The following COL4A4 variants were observed in gnomAD, a reference collection of about 807,000 sequenced individuals.
COL4A4 encodes the protein collagen type IV alpha 4 chain.
Under a neutral mutation model 192.9 loss-of-function variants are expected in COL4A4, and 105 were observed. That is an observed-to-expected ratio of 0.54 (90% CI 0.46 to 0.64). The LOEUF is 0.64. Ranked by LOEUF, COL4A4 falls within the 30% of genes least tolerant of loss-of-function variation. The pLI is 0.00. For missense variants in COL4A4, 1,967 were observed against 2,169.3 expected (o/e 0.91, Z 1.85); for synonymous variants, 762 against 769.9 (o/e 0.99, Z 0.17).
At chr2:227,034,010 A>G (rs564321572) in intron 37 of COL4A4, among the ~76,000 whole-genome samples, 1 of 152,346 alleles carries the variant, frequency 6.6e-6, no homozygotes, top group South Asian at 2.1e-4. Context: ...TCAGGCCTGC[A>G]TGGCGAGTGT....
chr2:227,066,341 A>G (rs531951747), intron 25 of COL4A4, among the ~76,000 whole-genome samples: 2,356 of 151,838 alleles, frequency 0.016, 45 homozygotes, highest in African/African-American at 0.054. Flanking sequence ...GCAGGCCAAC[A>G]TTCAGATTCA....
chr2:227,096,853 G>A (rs1055812444), intron 19 of COL4A4, among the ~76,000 whole-genome samples: 2 of 152,142 alleles, frequency 1.3e-5, no homozygotes, highest in African/African-American at 4.8e-5. Context: ...ACAAGTGTCT[G>A]ACTCTGAAAC....
At chr2:226,971,542 G>A in the COL4A4 span, among the ~76,000 whole-genome samples, 1 of 152,184 alleles carries the variant, frequency 6.6e-6, no homozygotes, top group African/African-American at 2.4e-5. Flanking sequence ...CTTTTGATAA[G>A]TTCATGAAGC....
the COL4A4 span, among the ~76,000 whole-genome samples, chr2:226,971,424 T>A: frequency 3.9e-5 from 6 of 152,260 alleles, no homozygotes; most frequent in African/African-American, 1.2e-4. Flanking sequence ...ATCTTCAAGC[T>A]GTGTATCAAA....
chr2:227,152,660 G>A (rs10187118), intron 1 of COL4A4, among the ~76,000 whole-genome samples: 83,526 of 152,052 alleles, frequency 0.55, 23,569 homozygotes, highest in Admixed American at 0.63. Flanking sequence ...TTCGCAAAGT[G>A]CAGCCACATG....
chr2:227,164,414 T>A, upstream of COL4A4: 4 of 449,986 alleles, frequency 8.9e-6, no homozygotes, highest in Non-Finnish European at 1.2e-5. This position sits in a 1 kb window ranked among gnomAD's most constrained non-coding sequence, Gnocchi z 4.8. Flanking sequence ...CGCGCCCACC[T>A]GCCCCTCAGG....
chr2:227,121,186 C>G (rs201592116), intron 4 of COL4A4, 38 bp from the exon 5 acceptor site: 67 of 1,609,306 alleles, frequency 4.2e-5, no homozygotes, highest in Admixed American at 1.8e-4. Context: ...GGGTGCAATT[C>G]TTAATTACTG....
intron 37 of COL4A4, among the ~76,000 whole-genome samples, chr2:227,036,773 G>A (rs926657802): frequency 6.6e-6 from 1 of 152,070 alleles, no homozygotes; most frequent in Non-Finnish European, 1.5e-5. Context: ...TAAGTGCTGT[G>A]GGGGAAGGGC....
In COL4A4 at chr2:227,090,173, T is replaced by C. The variant is rs1226984583; in HGVS notation, c.1370-216A>G. On this transcript the variant is annotated intron_variant, in intron 20 of 47. Coordinates refer to ENST00000396625, the MANE Select transcript of COL4A4 (RefSeq NM_000092.5). ...TGGTTATGGCATGCTTCTGCTACCA[T>C]AACCATTGATAAAGCCAACCCTAAT... Among the ~76,000 whole-genome samples, 3 of 152,118 alleles carry C rather than the reference T, an allele frequency of 2.0e-5. 1 individual carries two copies. Among genetic ancestry groups the C allele is most frequent in the Non-Finnish European group, 4.4e-5 (3 of 68,026 alleles).
intron 1 of COL4A4, among the ~76,000 whole-genome samples, chr2:227,149,821 C>A (rs2063802688): frequency 6.6e-6 from 1 of 152,074 alleles, no homozygotes; most frequent in African/African-American, 2.4e-5. Context: ...GGTCCTAACA[C>A]CTGGGAGTTT....
At chr2:226,978,532 A>G in the COL4A4 span, among the ~76,000 whole-genome samples, 1 of 152,174 alleles carries the variant, frequency 6.6e-6, no homozygotes, top group East Asian at 1.9e-4. Context: ...TTACATCTGT[A>G]TAATGAAGGC....
chr2:227,019,541 A>G (rs1417453569), intron 44 of COL4A4, among the ~76,000 whole-genome samples: 1 of 152,170 alleles, frequency 6.6e-6, no homozygotes, highest in Non-Finnish European at 1.5e-5. Context: ...TCAAAGCCCA[A>G]CCTTTCGTTA....
rs780182097 is a variant in COL4A4 at position 227,056,048 on chromosome 2, G to A, written c.2613C>T (p.Leu871=). The A allele has an allele frequency of 1.4e-5, 22 of 1,613,914 alleles. No homozygotes were observed. Among genetic ancestry groups the A allele is most frequent in the African/African-American group, 2.7e-5 (2 of 74,890 alleles). ...GPPGPAGMKG[L]PGLPGRPGAH... is the part of the protein sequence containing the mutation. ...CCCCAGGCCGTCCTGGGAGTCCGGGGAGGCCTTTCATTCCAGCTGGCCCGG... is the reference window on the plus strand; with the variant it reads ...CCCCAGGCCGTCCTGGGAGTCCGGGAAGGCCTTTCATTCCAGCTGGCCCGG... The change falls in exon 30 of 48, where the codon CTC becomes CTT. Residue 871 remains leucine, a synonymous_variant. Coordinates refer to ENST00000396625, the MANE Select transcript of COL4A4 (RefSeq NM_000092.5).
chr2:226,981,288 C>T, the COL4A4 span, among the ~76,000 whole-genome samples: 19 of 152,096 alleles, frequency 1.2e-4, no homozygotes, highest in East Asian at 7.7e-4. Flanking sequence ...ATGGGTGCAG[C>T]GGGCCAGCAT....
intron 41 of COL4A4, among the ~76,000 whole-genome samples, chr2:227,029,164 C>T (rs986715201): frequency 6.6e-6 from 1 of 152,182 alleles, no homozygotes. Flanking sequence ...ACCAATATTT[C>T]TAACTCCCTG....
chr2:227,071,325 A>G (rs2058709879), intron 25 of COL4A4, among the ~76,000 whole-genome samples: 3 of 152,194 alleles, frequency 2.0e-5, no homozygotes, highest in Non-Finnish European at 2.9e-5. Flanking sequence ...CTATGTAATG[A>G]TAAAACGATC....
At chr2:227,064,024 A>T (rs543191056) in intron 25 of COL4A4, among the ~76,000 whole-genome samples, 54 of 152,272 alleles carry the variant, frequency 3.5e-4, no homozygotes, top group African/African-American at 1.2e-3. Context: ...TGCCTGGATC[A>T]AATTTTATGT....
chr2:227,088,071 A>G (rs760414558), intron 22 of COL4A4, among the ~76,000 whole-genome samples: 3 of 152,246 alleles, frequency 2.0e-5, no homozygotes, highest in Non-Finnish European at 4.4e-5. Flanking sequence ...GGCCTAGAAC[A>G]TAGCAGGCAC....
rs1396170974 is a variant in COL4A4, at chr2:227,006,427, C to G, written c.*898G>C. 2 of 152,646 alleles carry G rather than the reference C, an allele frequency of 1.3e-5. No individual in the cohort carries two copies. The highest frequency in any genetic ancestry group is 2.9e-5 in the Non-Finnish European group (2 of 68,050). The allele number at this position is 152,646 out of a possible 1,614,324, so 9.5% of individuals were successfully genotyped here. A position where few individuals can be genotyped will look rare whatever the true frequency, so the allele number is the denominator to read the frequency against. On this transcript the variant is annotated 3_prime_UTR_variant, in exon 48 of 48. Transcript: ENST00000396625. Reference sequence around the variant, plus strand: ...CATTAGCACGCACGCACCTGTGACACGCCGGACCCCGACTGGGGAAAAGCA... The same window carrying G: ...CATTAGCACGCACGCACCTGTGACAGGCCGGACCCCGACTGGGGAAAAGCA...
Sources: allele counts gnomAD v4.1 joint callset (sites outside exome capture counted in the v4.1 genomes callset), GRCh38; gene constraint gnomAD v4.1.1; non-coding constraint Gnocchi (gnomAD v3.1); transcripts MANE v1.5; gene names NCBI Gene and HGNC (gene_info 2026-07-23, HGNC 2026-07-21).